Variants in C4orf51 observed in about 807,000 individuals in gnomAD.
C4orf51 encodes the protein chromosome 4 open reading frame 51.
C4orf51 carries 25 observed loss-of-function variants against 25.2 expected under a neutral mutation model. That is an observed-to-expected ratio of 0.99 (90% CI 0.72 to 1.39). The LOEUF is 1.39. Ranked by LOEUF, C4orf51 falls within the 40% of genes most tolerant of loss-of-function variation. C4orf51 has a pLI of 0.00. For synonymous variants in C4orf51, 100 were observed against 84.5 expected, an observed-to-expected ratio of 1.18 and a Z score of -1.01; for missense variants, 252 against 239.6, an observed-to-expected ratio of 1.05 and a Z score of -0.34.
rs2126844542 is a variant in C4orf51 at position 145,761,775 on chromosome 4, TGCTGACAGAGCAGTCCCC to T, written n.167-9205_167-9188del. On this transcript the variant is annotated intron_variant and non_coding_transcript_variant, in intron 1 of 1. Coordinates refer to the C4orf51 transcript ENST00000510096. This position sits in a 1 kb window ranked among gnomAD's most constrained non-coding sequence, Gnocchi z 6.8. ...TGGAACGGCCCTTTTTGGCTCTCCCTGCTGACAGAGCAGTCCCCGCTGACAAGCAGCTCTGGCAAGGTC... is the reference window on the plus strand; with the variant it reads ...TGGAACGGCCCTTTTTGGCTCTCCCTGCTGACAAGCAGCTCTGGCAAGGTC... 6.6e-6 allele frequency among the ~76,000 whole-genome samples: 1 copy of T among 152,220 alleles called. No homozygotes were observed. Among genetic ancestry groups the T allele is most frequent in the Admixed American group, 6.5e-5 (1 of 15,302 alleles).
chr4:145,704,719 C>T (rs1730684883), intron 2 of C4orf51, among the ~76,000 whole-genome samples: 1 of 152,126 alleles, frequency 6.6e-6, no homozygotes, highest in Admixed American at 6.6e-5. Context: ...TTACTGGTGG[C>T]AAATCCATAC....
At chr4:145,756,866 T>TA (rs892657067), downstream of C4orf51, among the ~76,000 whole-genome samples, 1 of 152,218 alleles carries the variant, frequency 6.6e-6, no homozygotes, top group Non-Finnish European at 1.5e-5. Flanking sequence ...ATCTCATTTT[T>TA]AAAAAAGTAA....
At chr4:145,720,661 G>C (rs892648304) in intron 2 of C4orf51, among the ~76,000 whole-genome samples, 8 of 152,196 alleles carry the variant, frequency 5.3e-5, no homozygotes, top group Non-Finnish European at 2.9e-5. Flanking sequence ...AGGCCTTACA[G>C]GTCATTCTGC....
the C4orf51 span, among the ~76,000 whole-genome samples, chr4:145,782,425 C>T: frequency 3.3e-5 from 5 of 152,146 alleles, no homozygotes; most frequent in African/African-American, 9.7e-5. Context: ...GTGAATGATG[C>T]CACCCAAGTG....
intron 1 of C4orf51, among the ~76,000 whole-genome samples, chr4:145,770,662 T>A (rs1271421331): frequency 2.0e-5 from 3 of 152,080 alleles, no homozygotes; most frequent in African/African-American, 7.2e-5. Flanking sequence ...TTGTACAGAG[T>A]TGGCTCTCAA....
At chr4:145,686,065 A>G (rs1046828416) in intron 1 of C4orf51, among the ~76,000 whole-genome samples, 2 of 152,232 alleles carry the variant, frequency 1.3e-5, no homozygotes, top group African/African-American at 4.8e-5. Flanking sequence ...CATACATACA[A>G]TGGAATATTA....
At position 145,693,487 on chromosome 4, in the gene C4orf51, C is replaced by T. The variant is rs1475839071; in HGVS notation, c.234-3072C>T. 1.8e-4 allele frequency among the ~76,000 whole-genome samples: 27 copies of T among 152,298 alleles called. No individual in the cohort carries two copies. The East Asian group carries it at 4.9e-3, about 27-fold the overall frequency. ...TTCTCAATCTTTTCCCCACCTTTCC[C>T]GCCCTTCCATTCCACAAAGCCGCCA... is the stretch of plus-strand genomic sequence containing the variant. On this transcript the variant is annotated intron_variant, in intron 1 of 5. Coordinates refer to ENST00000438731, the MANE Select transcript of C4orf51 (RefSeq NM_001080531.3).
At chr4:145,749,285 T>C (rs1733546931) in intron 1 of C4orf51, among the ~76,000 whole-genome samples, 1 of 152,084 alleles carries the variant, frequency 6.6e-6, no homozygotes, top group Non-Finnish European at 1.5e-5. Flanking sequence ...CTTGTCTTCA[T>C]AGGTGAAGTG....
At chr4:145,785,082 G>A in the C4orf51 span, among the ~76,000 whole-genome samples, 4 of 152,130 alleles carry the variant, frequency 2.6e-5, no homozygotes, top group African/African-American at 4.8e-5. Flanking sequence ...TTTAAATGAA[G>A]CAAATAGGTG....
chr4:145,781,069 G>A, the C4orf51 span, among the ~76,000 whole-genome samples: 9 of 151,666 alleles, frequency 5.9e-5, no homozygotes, highest in East Asian at 1.9e-4. Flanking sequence ...GGTGGCGGGC[G>A]CCTGAAATCC....
intron 1 of C4orf51, among the ~76,000 whole-genome samples, chr4:145,740,882 C>CA (rs1330328097): frequency 4.6e-5 from 7 of 152,212 alleles, no homozygotes; most frequent in Admixed American, 3.9e-4. Flanking sequence ...CAGATTATTT[C>CA]ATTTCTATCT....
intron 1 of C4orf51, among the ~76,000 whole-genome samples, chr4:145,693,458 C>A (rs180913483): frequency 1.4e-4 from 22 of 152,060 alleles, no homozygotes; most frequent in Admixed American, 1.4e-3. Context: ...GGCAACCATC[C>A]GATTTCTCAA....
At chr4:145,701,229 C>G (rs1023945303) in intron 2 of C4orf51, among the ~76,000 whole-genome samples, 1 of 118,360 alleles carries the variant, frequency 8.4e-6, no homozygotes, top group Non-Finnish European at 1.7e-5. Context: ...TCAAGGTGTA[C>G]AATAATAAAA....
At chr4:145,745,420 T>TCCATGA (rs1250519647) in intron 1 of C4orf51, among the ~76,000 whole-genome samples, 1 of 150,148 alleles carries the variant, frequency 6.7e-6, no homozygotes, top group Non-Finnish European at 1.5e-5. Flanking sequence ...ACTCTCCATC[T>TCCATGA]CCATGAGTTC....
intron 1 of C4orf51, among the ~76,000 whole-genome samples, chr4:145,693,485 C>T (rs1244059661): frequency 1.3e-5 from 2 of 152,184 alleles, no homozygotes; most frequent in Non-Finnish European, 2.9e-5. Context: ...CCCCACCTTT[C>T]CCGCCCTTCC....
At chr4:145,704,742 A>G (rs937287599) in intron 2 of C4orf51, among the ~76,000 whole-genome samples, 2 of 152,208 alleles carry the variant, frequency 1.3e-5, no homozygotes, top group African/African-American at 2.4e-5. Context: ...GTCTGCAGCA[A>G]TCGCAACTCT....
chr4:145,750,935 C>T (rs538670245), intron 1 of C4orf51, among the ~76,000 whole-genome samples: 109 of 152,164 alleles, frequency 7.2e-4, no homozygotes, highest in African/African-American at 2.5e-3. Context: ...TAAGAGATTC[C>T]GTTGCATTCT....
chr4:145,723,581 A>G (rs1453697796), intron 2 of C4orf51, among the ~76,000 whole-genome samples: 1 of 152,120 alleles, frequency 6.6e-6, no homozygotes, highest in Non-Finnish European at 1.5e-5. Context: ...AAAACTAAAT[A>G]CCTGTAACCT....
At chr4:145,786,038 C>G in the C4orf51 span, among the ~76,000 whole-genome samples, 1 of 152,148 alleles carries the variant, frequency 6.6e-6, no homozygotes, top group Non-Finnish European at 1.5e-5. Flanking sequence ...AACAGCCAAT[C>G]CTCTCTGAGG....
Sources: allele counts gnomAD v4.1 joint callset (sites outside exome capture counted in the v4.1 genomes callset), GRCh38; gene constraint gnomAD v4.1.1; non-coding constraint Gnocchi (gnomAD v3.1); transcripts MANE v1.5; gene names NCBI Gene and HGNC (gene_info 2026-07-23, HGNC 2026-07-21).